Variants in MYO3B observed in about 807,000 individuals in gnomAD.
MYO3B encodes the protein myosin IIIB.
A neutral mutation model predicts 174.6 loss-of-function variants in MYO3B; 156 were observed. The observed-to-expected ratio is 0.89, with a 90% confidence interval of 0.78 to 1.02. The LOEUF (loss-of-function observed/expected upper bound fraction) is 1.02. Ranked by LOEUF, MYO3B falls within the 50% of genes least tolerant of loss-of-function variation. The pLI is 0.00. For missense variants in MYO3B, 1,632 were observed against 1,639.4 expected (o/e 1.00, Z 0.08); for synonymous variants, 563 against 569.1 (o/e 0.99, Z 0.15).
chr2:170,567,097 C>A (rs893735228), intron 32 of MYO3B, among the ~76,000 whole-genome samples: 9 of 152,126 alleles, frequency 5.9e-5, no homozygotes, highest in South Asian at 4.1e-4. Flanking sequence ...ACAATTTGAG[C>A]TGTATTTATT....
chr2:170,570,219 G>A (rs1042772190), intron 32 of MYO3B, among the ~76,000 whole-genome samples: 1 of 152,164 alleles, frequency 6.6e-6, no homozygotes, highest in African/African-American at 2.4e-5. Context: ...AACTTAGAGA[G>A]AAAACCAACT....
intron 16 of MYO3B, among the ~76,000 whole-genome samples, chr2:170,397,832 G>T: frequency 6.6e-6 from 1 of 152,154 alleles, no homozygotes; most frequent in East Asian, 1.9e-4. Flanking sequence ...TATAAATTGA[G>T]AGTCCCCACA....
At chr2:170,251,336 GC>G (rs1396474907) in intron 7 of MYO3B, among the ~76,000 whole-genome samples, 1 of 152,142 alleles carries the variant, frequency 6.6e-6, no homozygotes, top group Non-Finnish European at 1.5e-5. Context: ...CAGAGGGCAA[GC>G]TTGAAGAGAT....
At chr2:170,484,016 A>G (rs1008563632) in intron 25 of MYO3B, among the ~76,000 whole-genome samples, 1 of 152,216 alleles carries the variant, frequency 6.6e-6, no homozygotes, top group Non-Finnish European at 1.5e-5. Flanking sequence ...CCTACCCCTG[A>G]GCACGATGGT....
chr2:170,651,764 C>T, intron 33 of MYO3B, 30 bp downstream of exon 33: 3 of 1,568,706 alleles, frequency 1.9e-6, no homozygotes, highest in South Asian at 2.2e-5. Context: ...AAAGCTGTTT[C>T]ACTGGCTTTG....
At chr2:170,442,166 T>A (rs1329616449) in intron 22 of MYO3B, among the ~76,000 whole-genome samples, 1 of 152,226 alleles carries the variant, frequency 6.6e-6, no homozygotes, top group African/African-American at 2.4e-5. Context: ...CGGAGCTATA[T>A]GAATTTATGC....
intron 25 of MYO3B, among the ~76,000 whole-genome samples, chr2:170,482,568 C>T (rs1685768251): frequency 6.6e-6 from 1 of 152,324 alleles, no homozygotes; most frequent in Middle Eastern, 3.4e-3. Flanking sequence ...TCAATTAAAC[C>T]TCTTTCTTTT....
intron 22 of MYO3B, among the ~76,000 whole-genome samples, chr2:170,420,842 C>G (rs549332667): frequency 6.6e-6 from 1 of 152,062 alleles, no homozygotes; most frequent in Non-Finnish European, 1.5e-5. Context: ...TTTAGAATTA[C>G]TTCTGCTCCC....
At chr2:170,600,523 T>C (rs980052668) in intron 32 of MYO3B, among the ~76,000 whole-genome samples, 16 of 152,048 alleles carry the variant, frequency 1.1e-4, no homozygotes, top group African/African-American at 3.9e-4. Context: ...AACCATAATA[T>C]GGGAAAATAT....
intron 28 of MYO3B, among the ~76,000 whole-genome samples, chr2:170,506,441 C>T (rs995875739): frequency 5.3e-5 from 8 of 152,320 alleles, no homozygotes; most frequent in African/African-American, 1.7e-4. Context: ...TATTTGCCTA[C>T]GTGTGCAGGA....
At chr2:170,533,770 C>G (rs1244818408) in intron 30 of MYO3B, among the ~76,000 whole-genome samples, 2 of 152,162 alleles carry the variant, frequency 1.3e-5, no homozygotes, top group African/African-American at 4.8e-5. Flanking sequence ...TAACTTCTGA[C>G]TATATATGCA....
Position 170,653,591 on chromosome 2 carries a change from A to C in MYO3B, c.*470A>C. The C allele has an allele frequency of 1.3e-5, 2 of 154,970 alleles. No homozygotes were observed. The highest frequency in any genetic ancestry group is 2.0e-4 in the South Asian group (1 of 5,082). 9.6% of individuals were successfully genotyped at this position (154,970 alleles called of 1,614,324 possible). A position where few individuals can be genotyped will look rare whatever the true frequency, so the allele number is the denominator to read the frequency against. On this transcript the variant is annotated 3_prime_UTR_variant, in exon 35 of 35. Coordinates refer to ENST00000408978, the MANE Select transcript of MYO3B (RefSeq NM_138995.5). ...CCCACCTTTGCTGGGCTTTTCTATC[A>C]CTCCCACCTCCCCCAGAGTCAGGGC... is the stretch of plus-strand genomic sequence containing the variant.
intron 34 of MYO3B, 122 bp from the exon 35 acceptor site, chr2:170,652,861 T>C: frequency 9.5e-7 from 1 of 1,047,310 alleles, no homozygotes; most frequent in Non-Finnish European, 1.4e-6. Context: ...GGAGCTGTCC[T>C]TCCCCTCCAG....
rs147673697 is a variant in MYO3B at position 170,532,668 on chromosome 2, T to G, written c.3576-10238T>G. Among the ~76,000 whole-genome samples, 439 of 151,822 alleles carry G rather than the reference T, an allele frequency of 2.9e-3. 4 individuals are homozygous for G. Among genetic ancestry groups the G allele is most frequent in the Middle Eastern group, 0.014 (4 of 292 alleles). ...TCTCTACTAAAACTACAAAAAAAATTAGTCAGGCATGGTGGCAGATGCCTG... is the reference window on the plus strand; with the variant it reads ...TCTCTACTAAAACTACAAAAAAAATGAGTCAGGCATGGTGGCAGATGCCTG... On this transcript the variant is annotated intron_variant, in intron 30 of 34. Transcript: ENST00000408978.
At chr2:170,200,669 A>C (rs542458482) in intron 3 of MYO3B, among the ~76,000 whole-genome samples, 1 of 152,184 alleles carries the variant, frequency 6.6e-6, no homozygotes, top group Non-Finnish European at 1.5e-5. Context: ...ACTCATGTTC[A>C]TTAGTCCTCA....
chr2:170,424,874 A>AT (rs2094648538), intron 22 of MYO3B, among the ~76,000 whole-genome samples: 1 of 152,254 alleles, frequency 6.6e-6, no homozygotes, highest in Non-Finnish European at 1.5e-5. Flanking sequence ...AATGGTCAGA[A>AT]TACAAGAAAA....
chr2:170,319,352 C>A (rs902688510), intron 7 of MYO3B, among the ~76,000 whole-genome samples: 1 of 152,018 alleles, frequency 6.6e-6, no homozygotes, highest in Non-Finnish European at 1.5e-5. Flanking sequence ...TCCATCCCAC[C>A]CCAATGATGG....
intron 22 of MYO3B, among the ~76,000 whole-genome samples, chr2:170,428,726 G>A (rs2094685160): frequency 6.6e-6 from 1 of 152,160 alleles, no homozygotes; most frequent in Non-Finnish European, 1.5e-5. Flanking sequence ...CACATGCCTG[G>A]CATTGATCTA....
intron 32 of MYO3B, among the ~76,000 whole-genome samples, chr2:170,615,411 GCTGT>G (rs1695392478): frequency 6.6e-6 from 1 of 152,226 alleles, no homozygotes; most frequent in Non-Finnish European, 1.5e-5. Flanking sequence ...GAGGCACAAA[GCTGT>G]CTGAGAAAAG....
Sources: gnomAD v4.1 joint callset for allele counts (sites outside exome capture counted in the v4.1 genomes callset) on GRCh38, gnomAD v4.1.1 for gene constraint, MANE v1.5 for transcripts, NCBI Gene and HGNC (gene_info 2026-07-23, HGNC 2026-07-21) for gene names.